Variants in TESPA1 observed in about 807,000 individuals in gnomAD.
TESPA1 encodes thymocyte expressed, positive selection associated 1.
A neutral mutation model predicts 57.9 loss-of-function variants in TESPA1; 33 were observed. The observed-to-expected ratio is 0.57, with a 90% CI of 0.43 to 0.76. TESPA1 has a LOEUF of 0.76. Ranked by LOEUF, TESPA1 falls within the 30% of genes least tolerant of loss-of-function variation. TESPA1 has a pLI of 0.00. For missense variants in TESPA1, 618 were observed against 632.9 expected (o/e 0.98, Z 0.25); for synonymous variants, 227 against 228.9 (o/e 0.99, Z 0.07).
intron 3 of TESPA1, among the ~76,000 whole-genome samples, chr12:54,969,046 T>TATATATATATATATATAC (rs71070858): frequency 0.032 from 4,000 of 123,392 alleles, 258 homozygotes; most frequent in East Asian, 0.15. Flanking sequence ...TATATATATA[T>TATATATATATATATATAC]GTGTGTGTGT....
chr12:54,961,746 T>C (rs1018767665), intron 9 of TESPA1, among the ~76,000 whole-genome samples: 1 of 152,200 alleles, frequency 6.6e-6, no homozygotes, highest in Non-Finnish European at 1.5e-5. Flanking sequence ...GTTGCAGGAA[T>C]GTGCGCTGGT....
chr12:54,978,094 A>G (rs1394846982), intron 1 of TESPA1, among the ~76,000 whole-genome samples: 6 of 152,054 alleles, frequency 3.9e-5, no homozygotes, highest in Non-Finnish European at 8.8e-5. Context: ...AGAGTGTTAG[A>G]CAGAATTAAA....
chr12:54,948,316 A>T lies in TESPA1; in HGVS notation c.*2076T>A, dbSNP rs745781189. On this transcript the variant is annotated 3_prime_UTR_variant, in exon 11 of 11. Transcript: ENST00000449076. ...TGCTTCAGGCCATCTGGATGTATAC[A>T]TGCAGGTCACAGGGGATATGATGGC... 4 of 184,210 alleles carry T rather than the reference A, an allele frequency of 2.2e-5. No individual in the cohort carries two copies. Among genetic ancestry groups the T allele is most frequent in the Non-Finnish European group, 4.4e-5 (4 of 90,702 alleles). 11.4% of individuals were successfully genotyped at this position (184,210 alleles called of 1,614,324 possible).
In TESPA1 at chr12:54,961,284, AC is replaced by A; in HGVS notation, c.1468-18del. 1 of 1,613,690 alleles carries A rather than the reference AC, an allele frequency of 6.2e-7. No individual in the cohort carries two copies. Among genetic ancestry groups the A allele is most frequent in the Non-Finnish European group, 8.5e-7 (1 of 1,179,750 alleles). ...GCTTTGCACCTGTAACCAAGATCCC[AC>A]AGAACTCAGCCAGAGCCAAGGGGGA... On this transcript the variant is annotated intron_variant, in intron 9 of 10. Transcript: ENST00000449076.
At chr12:54,972,577 A>G (rs1208513170) in intron 3 of TESPA1, among the ~76,000 whole-genome samples, 1 of 152,198 alleles carries the variant, frequency 6.6e-6, no homozygotes, top group African/African-American at 2.4e-5. Flanking sequence ...TGACTTTGAA[A>G]TCAATGAATT....
Position 54,950,532 on chromosome 12 carries a change from CAA to C in TESPA1, c.*2-144_*2-143del. On this transcript the variant is annotated intron_variant, in intron 10 of 10. Coordinates refer to ENST00000449076, the MANE Select transcript of TESPA1 (RefSeq NM_001136030.3). The stretch of plus-strand genomic sequence containing the variant: ...CATTTAAAGTTATTAGCAGCAGCAG[CAA>C]AGAGTCATGTGACTTGGGGTTTCTG... 4.6e-5 allele frequency: 16 copies of C among 346,350 alleles called. 1 individual carries two copies. Among genetic ancestry groups the C allele is most frequent in the South Asian group, 3.6e-4 (16 of 44,594 alleles). The allele number at this position is 346,350 out of a possible 1,614,324, so 21.5% of individuals were successfully genotyped here. A position where few individuals can be genotyped will look rare whatever the true frequency, so the allele number is the denominator to read the frequency against.
rs747628684 is a variant in TESPA1 at position 54,963,891 on chromosome 12, C to G, written c.506G>C (p.Gly169Ala). ...GTCTTTGTGATCCTCTTGGCCAAAG[C>G]CCAGACTGAAGAGGACATCTTCTGC... ...EDAEDVLFSL[G>A]FGQEDHKDTS... The change falls in exon 8 of 11, where the codon GGC becomes GCC. Residue 169 changes from glycine to alanine, a missense_variant. By Grantham distance (60) the Gly-to-Ala change is moderately conservative (BLOSUM62 0). Around this residue, in one of 3 missense-constraint regions of TESPA1, gnomAD observed 10 missense variants for 28.8 expected, o/e 0.35. Coordinates refer to ENST00000449076, the MANE Select transcript of TESPA1 (RefSeq NM_001136030.3). The G allele has an allele frequency of 6.2e-7, 1 of 1,613,992 alleles. No individual in the cohort carries two copies. Among genetic ancestry groups the G allele is most frequent in the South Asian group, 1.1e-5 (1 of 91,084 alleles).
At chr12:54,953,611 G>A (rs56096009) in intron 10 of TESPA1, among the ~76,000 whole-genome samples, 30,355 of 150,452 alleles carry the variant, frequency 0.2, 5,276 homozygotes, top group East Asian at 0.84. Context: ...TCCGCCTCCC[G>A]GGTTCACGCC....
At chr12:54,969,046 T>TATATATAC (rs71070858) in intron 3 of TESPA1, among the ~76,000 whole-genome samples, 3,856 of 124,400 alleles carry the variant, frequency 0.031, 195 homozygotes, top group Non-Finnish European at 0.039. Flanking sequence ...TATATATATA[T>TATATATAC]GTGTGTGTGT....
intron 10 of TESPA1, among the ~76,000 whole-genome samples, chr12:54,959,183 C>A (rs1054546035): frequency 6.6e-6 from 1 of 152,210 alleles, no homozygotes; most frequent in African/African-American, 2.4e-5. Context: ...TCCAGTGAGA[C>A]TGTGCCTCTG....
chr12:54,964,137 A>G (rs1475697408), intron 7 of TESPA1, among the ~76,000 whole-genome samples, 187 bp from the exon 8 acceptor site: 2 of 152,246 alleles, frequency 1.3e-5, no homozygotes, highest in East Asian at 3.8e-4. Flanking sequence ...AAACATGGAA[A>G]CTACAATCCA....
chr12:54,981,336 A>G (rs2136216743), intron 1 of TESPA1, among the ~76,000 whole-genome samples: 1 of 150,508 alleles, frequency 6.6e-6, no homozygotes, highest in Non-Finnish European at 1.5e-5. Context: ...TATAAAATCA[A>G]GATGGTGAAA....
chr12:54,970,007 G>A (rs1002481805), intron 3 of TESPA1, among the ~76,000 whole-genome samples: 2 of 152,170 alleles, frequency 1.3e-5, no homozygotes, highest in African/African-American at 4.8e-5. Flanking sequence ...GCTCACTGTA[G>A]CCTTGAACTC....
intron 7 of TESPA1, 43 bp from the exon 8 acceptor site, chr12:54,963,993 C>T (rs750612674): frequency 1.9e-6 from 3 of 1,571,322 alleles, no homozygotes; most frequent in South Asian, 1.1e-5. Context: ...AACTTTGAGA[C>T]ACATGGTAAT....
intron 10 of TESPA1, among the ~76,000 whole-genome samples, chr12:54,957,381 A>G (rs76289458): frequency 0.018 from 2,701 of 152,308 alleles, 74 homozygotes; most frequent in African/African-American, 0.061. Context: ...AGACTCTGAA[A>G]AAGGCAGAAG....
chr12:54,984,213 A>T (rs1952418490), intron 1 of TESPA1: 1 of 152,212 alleles, frequency 6.6e-6, no homozygotes. Flanking sequence ...TTTCGATGTT[A>T]TAATCAGATG....
intron 10 of TESPA1, among the ~76,000 whole-genome samples, chr12:54,953,396 C>T (rs12231376): frequency 0.23 from 34,583 of 151,920 alleles, 6,551 homozygotes; most frequent in East Asian, 0.84. Flanking sequence ...TTTGAACTTA[C>T]CTTTCTCTCT....
chr12:54,959,004 G>A (rs1050774558), intron 10 of TESPA1, among the ~76,000 whole-genome samples: 4 of 152,096 alleles, frequency 2.6e-5, no homozygotes, highest in Admixed American at 1.3e-4. Flanking sequence ...TGGTTTTAAC[G>A]TTTTCTCTGT....
At chr12:54,964,891 T>C (rs1200636507) in intron 7 of TESPA1, among the ~76,000 whole-genome samples, 2 of 152,194 alleles carry the variant, frequency 1.3e-5, no homozygotes, top group Non-Finnish European at 2.9e-5. Context: ...AAAATGCATA[T>C]ATTTGAATCC....
Sources: allele counts gnomAD v4.1 joint callset (sites outside exome capture counted in the v4.1 genomes callset), GRCh38; gene constraint gnomAD v4.1.1; regional missense constraint gnomAD v4.1.1; transcripts MANE v1.5; gene names NCBI Gene and HGNC (gene_info 2026-07-23, HGNC 2026-07-21).